Variants in ABLIM1 observed in about 807,000 individuals in gnomAD.
ABLIM1 encodes the protein actin binding LIM protein 1, also known as actin-binding LIM protein 1.
A neutral mutation model predicts 107.0 loss-of-function variants in ABLIM1; 40 were observed. That is an observed-to-expected ratio of 0.37 (90% CI 0.29 to 0.49). ABLIM1 has a LOEUF of 0.49. Among genes scored for constraint, ABLIM1 ranks in the 20% least tolerant of loss-of-function variants. The pLI is 0.97. For missense variants in ABLIM1, 857 were observed against 1,008.5 expected, an observed-to-expected ratio of 0.85 and a Z score of 2.04; for synonymous variants, 357 against 357.3, an observed-to-expected ratio of 1.00 and a Z score of 0.01.
intron 1 of ABLIM1, among the ~76,000 whole-genome samples, chr10:114,765,414 G>A (rs1034162208): frequency 6.6e-6 from 1 of 151,712 alleles, no homozygotes; most frequent in Non-Finnish European, 1.5e-5. Flanking sequence ...CTAGATATTA[G>A]AAATAAGTAG....
chr10:114,679,610 G>C (rs1049675254), intron 1 of ABLIM1, among the ~76,000 whole-genome samples: 2 of 148,488 alleles, frequency 1.3e-5, no homozygotes, highest in African/African-American at 5.0e-5. Flanking sequence ...ACTCCAGCCT[G>C]GGTAACAAGA....
intron 8 of ABLIM1, among the ~76,000 whole-genome samples, chr10:114,480,636 C>A (rs1422020521): frequency 6.6e-6 from 1 of 152,218 alleles, no homozygotes; most frequent in East Asian, 1.9e-4. Context: ...TGGTAGTGAT[C>A]GCTCAGAGTA....
chr10:114,512,853 AAAGAAGGAAG>A (rs1565724617), intron 6 of ABLIM1, among the ~76,000 whole-genome samples: 9,087 of 120,474 alleles, frequency 0.075, 378 homozygotes, highest in Non-Finnish European at 0.1. Flanking sequence ...GGAAGGAAGG[AAAGAAGGAAG>A]GAAGGAAGGA....
chr10:114,566,061 C>A (rs966057349), intron 4 of ABLIM1, among the ~76,000 whole-genome samples: 4 of 152,080 alleles, frequency 2.6e-5, no homozygotes, highest in African/African-American at 7.2e-5. Flanking sequence ...TCCCAAAGTG[C>A]CGGGATTAGA....
At chr10:114,741,446 C>T (rs561165885) in intron 1 of ABLIM1, among the ~76,000 whole-genome samples, 10 of 151,734 alleles carry the variant, frequency 6.6e-5, no homozygotes, top group Non-Finnish European at 1.3e-4. Flanking sequence ...AGGATGGTCT[C>T]GATCTTCTGA....
chr10:114,520,381 G>A (rs1025466536), intron 6 of ABLIM1, among the ~76,000 whole-genome samples: 1 of 152,024 alleles, frequency 6.6e-6, no homozygotes, highest in Non-Finnish European at 1.5e-5. Context: ...ACTCTGTCAG[G>A]TTTAAAATTC....
chr10:114,545,355 G>C (rs759719005), intron 5 of ABLIM1, among the ~76,000 whole-genome samples: 1 of 152,184 alleles, frequency 6.6e-6, no homozygotes, highest in Non-Finnish European at 1.5e-5. Context: ...CACCCTTGCC[G>C]ATTTTTTACT....
intron 1 of ABLIM1, among the ~76,000 whole-genome samples, chr10:114,698,712 C>A (rs1359317281): frequency 2.0e-5 from 3 of 152,110 alleles, no homozygotes; most frequent in East Asian, 1.9e-4. Context: ...ACTCAGACTA[C>A]CATGAGGCTT....
chr10:114,584,397 T>A (rs1177514963), intron 2 of ABLIM1, among the ~76,000 whole-genome samples: 1 of 152,200 alleles, frequency 6.6e-6, no homozygotes, highest in African/African-American at 2.4e-5. Flanking sequence ...TCCTAGAGAA[T>A]ACAAAAGTAG....
chr10:114,740,135 G>T (rs989658352), intron 1 of ABLIM1, among the ~76,000 whole-genome samples: 7 of 152,138 alleles, frequency 4.6e-5, no homozygotes, highest in Non-Finnish European at 1.0e-4. Flanking sequence ...TATACATGGA[G>T]AGTCTCTTAC....
At chr10:114,647,355 T>C (rs1449125637) in intron 1 of ABLIM1, among the ~76,000 whole-genome samples, 2 of 152,026 alleles carry the variant, frequency 1.3e-5, no homozygotes, top group Admixed American at 6.5e-5. Flanking sequence ...CAAGTGAAGA[T>C]AGAGTCTGTG....
At chr10:114,637,106 T>G (rs985033443) in intron 1 of ABLIM1, among the ~76,000 whole-genome samples, 21 of 150,592 alleles carry the variant, frequency 1.4e-4, no homozygotes, top group Non-Finnish European at 2.9e-5. Flanking sequence ...CAAGGGGTAC[T>G]TCAAATGCAG....
chr10:114,615,038 A>G (rs1346142412), intron 1 of ABLIM1, among the ~76,000 whole-genome samples: 26 of 140,308 alleles, frequency 1.9e-4, no homozygotes, highest in Non-Finnish European at 3.6e-4. Context: ...CAATAAGAGC[A>G]AAACTCTGTC....
At chr10:114,767,876 G>A (rs73357618) in intron 1 of ABLIM1, among the ~76,000 whole-genome samples, 2,185 of 151,878 alleles carry the variant, frequency 0.014, 54 homozygotes, top group African/African-American at 0.05. Flanking sequence ...CACATCCGGG[G>A]ATCAAGGTCA....
At position 114,533,211 on chromosome 10, in the gene ABLIM1, C is replaced by T. The variant is rs537685177; in HGVS notation, c.894+11794G>A. Among the ~76,000 whole-genome samples the T allele has an allele frequency of 6.3e-4, 95 of 151,998 alleles. No individual in the cohort carries two copies. The Middle Eastern group carries it at 0.01, about 16-fold the overall frequency. ...CAAAAATTAGCCAGGGGTGGTGGTA[C>T]GCGCCTGTAATCCCAGCTATTTGGG... On this transcript the variant is annotated intron_variant, in intron 6 of 22. Transcript: ENST00000533213.
chr10:114,636,748 C>T (rs2078497686), intron 1 of ABLIM1, among the ~76,000 whole-genome samples: 1 of 151,948 alleles, frequency 6.6e-6, no homozygotes, highest in South Asian at 2.1e-4. Flanking sequence ...GTGTGGTTTG[C>T]AAGGCTCGGC....
At chr10:114,587,237 G>A (rs1270568709) in intron 2 of ABLIM1, among the ~76,000 whole-genome samples, 1 of 152,164 alleles carries the variant, frequency 6.6e-6, no homozygotes, top group Non-Finnish European at 1.5e-5. Context: ...TGATATTCAT[G>A]GGCTGTCTTG....
At chr10:114,660,099 A>C (rs1435985345), upstream of ABLIM1, among the ~76,000 whole-genome samples, 2 of 152,224 alleles carry the variant, frequency 1.3e-5, no homozygotes, top group Non-Finnish European at 2.9e-5. Flanking sequence ...AAGTGGGAAC[A>C]TGGGACTTCT....
upstream of ABLIM1, among the ~76,000 whole-genome samples, chr10:114,660,873 A>T (rs1338565886): frequency 6.6e-6 from 1 of 152,202 alleles, no homozygotes; most frequent in Non-Finnish European, 1.5e-5. Flanking sequence ...CAAACCCAGC[A>T]TCTTCCTGAC....
Sources: gnomAD v4.1 joint callset for allele counts (sites outside exome capture counted in the v4.1 genomes callset) on GRCh38, gnomAD v4.1.1 for gene constraint, MANE v1.5 for transcripts, NCBI Gene and HGNC (gene_info 2026-07-23, HGNC 2026-07-21) for gene names.